The following MCC variants were observed in gnomAD, a reference collection of about 807,000 sequenced individuals.
MCC encodes colorectal mutant cancer protein.
MCC carries 90 observed loss-of-function variants against 116.2 expected under a neutral mutation model. The ratio of observed to expected loss-of-function variants is 0.77; its 90% CI spans 0.65 to 0.92. MCC has a LOEUF of 0.92. MCC is among the 40% of genes least tolerant of loss of function. The probability of loss-of-function intolerance (pLI) is 0.00; values close to 1 mark genes in which losing one functional copy is unlikely to be tolerated. For missense variants in MCC, 1,516 were observed against 1,312.2 expected (o/e 1.16, Z -2.40); for synonymous variants, 578 against 510.5 (o/e 1.13, Z -1.78).
intron 1 of MCC, among the ~76,000 whole-genome samples, chr5:113,394,277 G>A (rs978598461): frequency 1.2e-4 from 18 of 151,958 alleles, no homozygotes; most frequent in African/African-American, 2.9e-4. Context: ...CATCCATTCC[G>A]TCCTGATCAT....
intron 3 of MCC, among the ~76,000 whole-genome samples, chr5:113,337,910 A>C (rs911869127): frequency 6.6e-6 from 1 of 152,188 alleles, no homozygotes; most frequent in Non-Finnish European, 1.5e-5. Context: ...CCTTCTGAGT[A>C]GACCCTGAGT....
chr5:113,423,762 GCA>G (rs1041302934), intron 1 of MCC, among the ~76,000 whole-genome samples: 1 of 151,978 alleles, frequency 6.6e-6, no homozygotes, highest in Non-Finnish European at 1.5e-5. Flanking sequence ...CCCCAACCCG[GCA>G]CAGTCAAGTT....
rs147334987 is a variant in MCC, at chr5:113,307,296, G to A, written c.627+33223C>T. ...AATCCATGAACATAGGTGTCTTTTC[G>A]TTTACTTAAGTTTGCTTTGATTCTT... On this transcript the variant is annotated intron_variant, in intron 3 of 18. Transcript: ENST00000408903. 4.7e-3 allele frequency among the ~76,000 whole-genome samples: 721 copies of A among 152,166 alleles called. 9 individuals carry two copies. The highest frequency in any genetic ancestry group is 0.017 in the African/African-American group (688 of 41,536).
intron 3 of MCC, chr5:113,294,585 A>G (rs1160365783): frequency 1.1e-5 from 14 of 1,251,432 alleles, no homozygotes; most frequent in African/African-American, 1.6e-5. Context: ...CGTTTCACGG[A>G]CGAGCCATTG....
chr5:113,253,591 A>C (rs987241484), intron 3 of MCC, among the ~76,000 whole-genome samples: 7 of 152,204 alleles, frequency 4.6e-5, no homozygotes, highest in African/African-American at 1.7e-4. Flanking sequence ...GAGCACAAGG[A>C]GGAGGGAAGC....
intron 8 of MCC, among the ~76,000 whole-genome samples, chr5:113,093,072 G>C (rs1755757543): frequency 6.6e-6 from 1 of 152,064 alleles, no homozygotes; most frequent in East Asian, 1.9e-4. Flanking sequence ...GTGCTGAGGA[G>C]AAAAACATAA....
chr5:113,466,991 A>C (rs993287743), intron 1 of MCC, among the ~76,000 whole-genome samples: 76 of 152,160 alleles, frequency 5.0e-4, no homozygotes, highest in Non-Finnish European at 8.1e-4. Flanking sequence ...TCTTTTGAGA[A>C]GTGTCTGTTC....
At chr5:113,419,803 T>C (rs10052472) in intron 1 of MCC, among the ~76,000 whole-genome samples, 43,494 of 142,102 alleles carry the variant, frequency 0.31, 8,378 homozygotes, top group African/African-American at 0.55. Context: ...TTCTCACTCA[T>C]AGGTGGGAAT....
intron 2 of MCC, among the ~76,000 whole-genome samples, chr5:113,381,533 A>G (rs1769120503): frequency 6.6e-6 from 1 of 152,104 alleles, no homozygotes; most frequent in African/African-American, 2.4e-5. Flanking sequence ...CTTGCCTGTA[A>G]TCTCAGCACT....
chr5:113,296,770 T>G (rs1034391108), intron 3 of MCC, among the ~76,000 whole-genome samples: 1 of 152,150 alleles, frequency 6.6e-6, no homozygotes, highest in East Asian at 1.9e-4. Context: ...TTTTAGATAT[T>G]CCAGTAGATT....
chr5:113,059,417 G>C (rs1390687726), intron 14 of MCC, among the ~76,000 whole-genome samples: 2 of 152,190 alleles, frequency 1.3e-5, no homozygotes, highest in Non-Finnish European at 2.9e-5. Flanking sequence ...TGGCCTCACA[G>C]ACAAAGGCGC....
intron 1 of MCC, among the ~76,000 whole-genome samples, chr5:113,445,541 A>C (rs1419199299): frequency 2.6e-5 from 4 of 152,206 alleles, no homozygotes; most frequent in African/African-American, 7.2e-5. Context: ...CTAACCAAGA[A>C]GATGAAAGAT....
chr5:113,296,627 G>A (rs1429635226), intron 3 of MCC, among the ~76,000 whole-genome samples: 1 of 152,150 alleles, frequency 6.6e-6, no homozygotes, highest in Non-Finnish European at 1.5e-5. Context: ...GCATAAGCTG[G>A]GTGAGAAAGG....
chr5:113,104,457 C>T (rs1326173010), intron 6 of MCC, 102 bp from the exon 7 acceptor site: 2 of 1,044,644 alleles, frequency 1.9e-6, no homozygotes, highest in Non-Finnish European at 1.4e-6. Flanking sequence ...GCAATGGAGC[C>T]TGACATTTCA....
intron 3 of MCC, among the ~76,000 whole-genome samples, chr5:113,191,668 C>T (rs1762155601): frequency 6.6e-6 from 1 of 152,184 alleles, no homozygotes; most frequent in South Asian, 2.1e-4. Flanking sequence ...GGTCATGGGG[C>T]TGAGGATGGG....
rs370321243 is a variant in MCC, at chr5:113,027,498, G to A, written c.2880-16C>T. The A allele has an allele frequency of 4.5e-5, 73 of 1,613,182 alleles. No homozygotes were observed. Among genetic ancestry groups the A allele is most frequent in the Middle Eastern group, 1.6e-4 (1 of 6,082 alleles). ...CACCAGGTTGCTAGGTGGGAATGAA[G>A]GGAAATTGGTATTAAGATTCATCCT... On this transcript the variant is annotated splice_polypyrimidine_tract_variant and intron_variant, in intron 18 of 18. Transcript: ENST00000408903.
intron 2 of MCC, among the ~76,000 whole-genome samples, chr5:113,375,036 CTT>C (rs1313771037): frequency 6.7e-6 from 1 of 148,718 alleles, no homozygotes; most frequent in African/African-American, 2.5e-5. Flanking sequence ...TGTCTTGGAG[CTT>C]TTAGTACTTC....
intron 1 of MCC, among the ~76,000 whole-genome samples, chr5:113,472,116 G>T (rs1470241073): frequency 1.3e-5 from 2 of 152,166 alleles, no homozygotes; most frequent in Non-Finnish European, 2.9e-5. Context: ...TTTCCCGGGT[G>T]AGGCAATGCC....
chr5:113,060,833 C>G (rs574986760), intron 14 of MCC, among the ~76,000 whole-genome samples: 232 of 152,230 alleles, frequency 1.5e-3, no homozygotes, highest in Admixed American at 2.4e-3. Flanking sequence ...CACCAGTAAG[C>G]GTTTGTCTCA....
Sources: gnomAD v4.1 joint callset for allele counts (sites outside exome capture counted in the v4.1 genomes callset) on GRCh38, gnomAD v4.1.1 for gene constraint, MANE v1.5 for transcripts, NCBI Gene and HGNC (gene_info 2026-07-23, HGNC 2026-07-21) for gene names.